The following SLC2A5 variants were observed in gnomAD, a reference collection of about 807,000 sequenced individuals.
SLC2A5 encodes solute carrier family 2, facilitated glucose transporter member 5.
Under a neutral mutation model 50.3 loss-of-function variants are expected in SLC2A5, and 56 were observed. The observed-to-expected ratio is 1.11, with a 90% confidence interval of 0.90 to 1.39. SLC2A5 has a LOEUF of 1.39. SLC2A5 is among the 40% of genes most tolerant of loss of function. The probability of loss-of-function intolerance (pLI) is 0.00; values close to 1 mark genes in which losing one functional copy is unlikely to be tolerated. For missense variants in SLC2A5, 566 were observed against 650.1 expected, an observed-to-expected ratio of 0.87 and a Z score of 1.41; for synonymous variants, 269 against 281.9, an observed-to-expected ratio of 0.95 and a Z score of 0.46.
intron 1 of SLC2A5, among the ~76,000 whole-genome samples, chr1:9,069,023 C>T (rs1455616257): frequency 9.9e-5 from 15 of 152,212 alleles, no homozygotes. Flanking sequence ...ATCTAAAAGG[C>T]AGGAAACCTA....
intron 1 of SLC2A5, among the ~76,000 whole-genome samples, chr1:9,066,445 G>T (rs1642085578): frequency 6.6e-6 from 1 of 152,086 alleles, no homozygotes; most frequent in Non-Finnish European, 1.5e-5. Flanking sequence ...ATGTTGCCCA[G>T]GCTGGTCCCA....
intron 1 of SLC2A5, among the ~76,000 whole-genome samples, chr1:9,059,426 A>G (rs1641849596): frequency 6.6e-6 from 1 of 151,074 alleles, no homozygotes; most frequent in South Asian, 2.1e-4. Context: ...TACAGGCGTG[A>G]GCCACCACGC....
At chr1:9,060,042 C>T (rs984960997) in intron 1 of SLC2A5, among the ~76,000 whole-genome samples, 1 of 146,156 alleles carries the variant, frequency 6.8e-6, no homozygotes, top group Non-Finnish European at 1.5e-5. Context: ...ACATACAGTA[C>T]ACACACACCA....
At chr1:9,038,066 C>G (rs759047662) in intron 10 of SLC2A5, 42 bp from the exon 11 acceptor site, 1 of 1,605,840 alleles carries the variant, frequency 6.2e-7, no homozygotes, top group Non-Finnish European at 8.5e-7. Context: ...GCAGAGCGGG[C>G]CCGAGCATCC....
chr1:9,091,934 C>T (rs1359897203), upstream of SLC2A5, among the ~76,000 whole-genome samples: 1 of 152,184 alleles, frequency 6.6e-6, no homozygotes, highest in Non-Finnish European at 1.5e-5. Context: ...CAAAAACACA[C>T]ACACTTTAAT....
rs555392788 is a variant in SLC2A5 at position 9,049,659 on chromosome 1, C to T, written c.294-1925G>A. 4.0e-5 allele frequency among the ~76,000 whole-genome samples: 6 copies of T among 150,938 alleles called. No homozygotes were observed. In the Admixed American group the frequency reaches 4.0e-4, roughly 10 times the overall value. ...CGGAGGTTGCAGTGAGCCGAGATGG[C>T]CCCACTGCACCAGCCTGGGTGACAC... On this transcript the variant is annotated intron_variant, in intron 3 of 11. Transcript: ENST00000377424.
chr1:9,091,495 C>T (rs1642462292), upstream of SLC2A5, among the ~76,000 whole-genome samples: 1 of 152,162 alleles, frequency 6.6e-6, no homozygotes, highest in African/African-American at 2.4e-5. Context: ...GTATTTCCTT[C>T]TCACAGTCTA....
At position 9,037,337 on chromosome 1, in the gene SLC2A5, G is replaced by C; in HGVS notation, c.*249C>G. 2.1e-6 allele frequency: 1 copy of C among 479,320 alleles called. No homozygotes were observed. Among genetic ancestry groups the C allele is most frequent in the South Asian group, 2.3e-5 (1 of 44,284 alleles). The allele number at this position is 479,320 out of a possible 1,614,324, so 29.7% of individuals were successfully genotyped here. On this transcript the variant is annotated 3_prime_UTR_variant, in exon 12 of 12. Coordinates refer to ENST00000377424, the MANE Select transcript of SLC2A5 (RefSeq NM_003039.3). Reference sequence around the variant, plus strand: ...GCCACACGAAGGCTGAACCAGCAAAGTGGAGGACCAGCTGTTTAATTGACT... The same window carrying C: ...GCCACACGAAGGCTGAACCAGCAAACTGGAGGACCAGCTGTTTAATTGACT...
At chr1:9,041,334 A>G in intron 5 of SLC2A5, 1 of 585,000 alleles carries the variant, frequency 1.7e-6, no homozygotes, top group Non-Finnish European at 2.5e-6. Flanking sequence ...CCATGGGGCC[A>G]GGCCACCCTC....
Position 9,058,192 on chromosome 1 carries a change from T to G in SLC2A5, c.92A>C (p.Gln31Pro). 1 of 1,614,102 alleles carries G rather than the reference T, an allele frequency of 6.2e-7. No homozygotes were observed. The highest frequency in any genetic ancestry group is 1.3e-5 in the African/African-American group (1 of 75,028). The change falls in exon 2 of 12, where the codon CAG becomes CCG. Residue 31 changes from glutamine to proline, a missense_variant. Transcript: ENST00000377424. Reference sequence around the variant, plus strand: ...GACAGCAGCCACGTTGTACCCATACTGGAAGGATGACCCAAAGGCAGCTAT... The same window carrying G: ...GACAGCAGCCACGTTGTACCCATACGGGAAGGATGACCCAAAGGCAGCTAT... ...TLIAAFGSSF[Q>P]YGYNVAAVNS...
chr1:9,049,994 A>G (rs1211055985), intron 3 of SLC2A5, among the ~76,000 whole-genome samples: 2 of 151,254 alleles, frequency 1.3e-5, no homozygotes, highest in African/African-American at 2.4e-5. Flanking sequence ...TAGATTGGCC[A>G]GGCGCAGTGG....
chr1:9,038,498 C>T lies in SLC2A5; in HGVS notation c.1107G>A (p.Val369=). The T allele has an allele frequency of 6.2e-7, 1 of 1,612,802 alleles. No individual in the cohort carries two copies. Among genetic ancestry groups the T allele is most frequent in the Non-Finnish European group, 8.5e-7 (1 of 1,179,144 alleles). ...LTAALALQDT[V]SWMPYISIVC... ...CGATGCTGATGTATGGCATCCAGGACACTGTGTCCTGTGGAGAGAAAGCAG... is the reference window on the plus strand; with the variant it reads ...CGATGCTGATGTATGGCATCCAGGATACTGTGTCCTGTGGAGAGAAAGCAG... The change falls in exon 10 of 12, where the codon GTG becomes GTA. Residue 369 remains valine, a synonymous_variant. Coordinates refer to ENST00000377424, the MANE Select transcript of SLC2A5 (RefSeq NM_003039.3).
intron 3 of SLC2A5, among the ~76,000 whole-genome samples, chr1:9,054,140 G>A (rs1048885767): frequency 3.3e-5 from 5 of 152,058 alleles, no homozygotes; most frequent in Admixed American, 3.3e-4. Flanking sequence ...AGACACGGAG[G>A]AACTTCATGG....
chr1:9,039,117 G>A (rs764413348), intron 8 of SLC2A5, among the ~76,000 whole-genome samples, 188 bp from the exon 9 acceptor site: 11 of 152,250 alleles, frequency 7.2e-5, no homozygotes, highest in South Asian at 2.1e-4. Context: ...GCTGTGATGC[G>A]GGACCCCAGC....
rs141585466 is a variant in SLC2A5 at position 9,064,158 on chromosome 1, T to C, written c.33+5346A>G. Among the ~76,000 whole-genome samples, 16 of 152,152 alleles carry C rather than the reference T, an allele frequency of 1.1e-4. No homozygotes were observed. The East Asian group carries it at 3.1e-3, about 29-fold the overall frequency. On this transcript the variant is annotated intron_variant, in intron 1 of 11. Coordinates refer to ENST00000377424, the MANE Select transcript of SLC2A5 (RefSeq NM_003039.3). ...TGTGTACTTTAGAGGGGTGAAATTGTATGGTATTGAGATATATTCTCAATA... is the reference window on the plus strand; with the variant it reads ...TGTGTACTTTAGAGGGGTGAAATTGCATGGTATTGAGATATATTCTCAATA...
chr1:9,065,053 CAAAAAAA>C (rs199947177), intron 1 of SLC2A5, among the ~76,000 whole-genome samples: 1 of 107,182 alleles, frequency 9.3e-6, no homozygotes, highest in African/African-American at 3.0e-5. Context: ...GATTCTGTCT[CAAAAAAA>C]AAAAAAAAAA....
In SLC2A5 at chr1:9,036,315, A is replaced by G. The variant is rs1017776826; in HGVS notation, c.*1271T>C. 4.6e-5 allele frequency: 7 copies of G among 152,216 alleles called. No homozygotes were observed. Among genetic ancestry groups the G allele is most frequent in the Non-Finnish European group, 8.8e-5 (6 of 68,074 alleles). 9.4% of individuals were successfully genotyped at this position (152,216 alleles called of 1,614,324 possible). A position where few individuals can be genotyped will look rare whatever the true frequency, so the allele number is the denominator to read the frequency against. Reference sequence around the variant, plus strand: ...CAGCCTCCCAAATAGCTGGGACCCCAAAGGCGTGTCACCATGCCCAATTAA... The same window carrying G: ...CAGCCTCCCAAATAGCTGGGACCCCGAAGGCGTGTCACCATGCCCAATTAA... On this transcript the variant is annotated 3_prime_UTR_variant, in exon 12 of 12. Transcript: ENST00000377424.
chr1:9,038,423 G>C lies in SLC2A5; in HGVS notation c.1174+8C>G. 6.2e-7 allele frequency: 1 copy of C among 1,609,134 alleles called. No individual in the cohort carries two copies. The highest frequency in any genetic ancestry group is 8.5e-7 in the Non-Finnish European group (1 of 1,175,844). ...TGTGACACCCTGAGGCCAGCTTTGG[G>C]TACGTACTGGGCCCGAGGGCATGTC... On this transcript the variant is annotated splice_region_variant and intron_variant, in intron 10 of 11. Transcript: ENST00000377424.
chr1:9,078,133 T>C (rs1642313083), intron 2 of SLC2A5, among the ~76,000 whole-genome samples: 1 of 152,174 alleles, frequency 6.6e-6, no homozygotes, highest in South Asian at 2.1e-4. Context: ...GGTAACTTCC[T>C]GAGGTTGCCA....
Sources: gnomAD v4.1 joint callset for allele counts (sites outside exome capture counted in the v4.1 genomes callset) on GRCh38, gnomAD v4.1.1 for gene constraint, MANE v1.5 for transcripts, NCBI Gene and HGNC (gene_info 2026-07-23, HGNC 2026-07-21) for gene names.